INPP5D: variants seen among roughly 807,000 people sequenced by gnomAD.
INPP5D encodes inositol polyphosphate-5-phosphatase D.
INPP5D carries 33 observed loss-of-function variants against 122.9 expected under a neutral mutation model. That is an observed-to-expected ratio of 0.27 (90% confidence interval 0.20 to 0.36). INPP5D has a LOEUF of 0.36. INPP5D is among the 10% of genes least tolerant of loss of function. The pLI, the probability that INPP5D is intolerant of heterozygous loss-of-function variation, is 1.00. For synonymous variants in INPP5D, 584 were observed against 576.2 expected (o/e 1.01, Z -0.19); for missense variants, 1,053 against 1,412.7 (o/e 0.75, Z 4.08).
rs552234742 is a variant in INPP5D, at chr2:233,170,731, G to A, written c.1900+127G>A. 6.2e-5 allele frequency: 81 copies of A among 1,313,080 alleles called. 1 individual carries two copies. Among genetic ancestry groups the A allele is most frequent in the South Asian group, 5.8e-4 (40 of 68,834 alleles). 81.3% of individuals were successfully genotyped at this position (1,313,080 alleles called of 1,614,324 possible). ...ATCCTGGCTAACACAGTGAAACCCCGTCTCTACTTAAAAAAATACAAAAAA... is the reference window on the plus strand; with the variant it reads ...ATCCTGGCTAACACAGTGAAACCCCATCTCTACTTAAAAAAATACAAAAAA... On this transcript the variant is annotated intron_variant, in intron 16 of 26. Transcript: ENST00000445964. This position sits in a 1 kb window ranked among gnomAD's most constrained non-coding sequence, Gnocchi z 4.5.
intron 1 of INPP5D, among the ~76,000 whole-genome samples, chr2:233,065,677 C>T (rs145748379): frequency 0.024 from 3,079 of 126,244 alleles, 176 homozygotes; most frequent in African/African-American, 0.079. Context: ...GACAGAGTCT[C>T]GCTCTGTCGC....
intron 5 of INPP5D, among the ~76,000 whole-genome samples, chr2:233,131,911 G>A (rs919394230): frequency 3.3e-5 from 5 of 152,136 alleles, no homozygotes; most frequent in East Asian, 1.9e-4. Context: ...AATCAAATTC[G>A]ACTTTCCTTT....
At chr2:233,107,278 C>T (rs1387193035) in intron 2 of INPP5D, among the ~76,000 whole-genome samples, 2 of 152,124 alleles carry the variant, frequency 1.3e-5, no homozygotes, top group Non-Finnish European at 2.9e-5. Context: ...GTGTAAATTA[C>T]ACCTCCAAGT....
intron 2 of INPP5D, among the ~76,000 whole-genome samples, chr2:233,107,029 A>G (rs112964319): frequency 0.017 from 2,616 of 152,316 alleles, 31 homozygotes; most frequent in Non-Finnish European, 0.028. Context: ...CCTGACTCCC[A>G]TGGCACAGAT....
At chr2:233,119,749 T>C (rs922993779) in intron 2 of INPP5D, among the ~76,000 whole-genome samples, 2 of 152,098 alleles carry the variant, frequency 1.3e-5, no homozygotes, top group Admixed American at 6.6e-5. Flanking sequence ...GAAAGAGGCG[T>C]ATGTGTCCTC....
chr2:233,084,369 T>C (rs1324677991), intron 2 of INPP5D, among the ~76,000 whole-genome samples: 1 of 152,204 alleles, frequency 6.6e-6, no homozygotes, highest in African/African-American at 2.4e-5. Context: ...TCCCAGGTTT[T>C]CATGCAAGTT....
intron 2 of INPP5D, among the ~76,000 whole-genome samples, chr2:233,083,787 G>C (rs1395700643): frequency 6.6e-6 from 1 of 152,178 alleles, no homozygotes; most frequent in Non-Finnish European, 1.5e-5. Flanking sequence ...AGTGGCCTCA[G>C]ACGTGTCGCA....
intron 6 of INPP5D, among the ~76,000 whole-genome samples, chr2:233,144,831 G>T (rs1401247992): frequency 1.3e-5 from 2 of 152,014 alleles, no homozygotes; most frequent in Non-Finnish European, 2.9e-5. Context: ...TGTTGAAGGG[G>T]ATCCTATTGA....
chr2:233,175,002 G>A lies in INPP5D; in HGVS notation c.1990-2263G>A, dbSNP rs190975525. On this transcript the variant is annotated intron_variant, in intron 17 of 26. Transcript: ENST00000445964. The stretch of plus-strand genomic sequence containing the variant: ...AGAGCTTTGGGAGGCCAAAGCAGGT[G>A]AATCACCTGAAGTCAGGAGTTCCAG... 5.9e-4 allele frequency among the ~76,000 whole-genome samples: 89 copies of A among 151,900 alleles called. 2 individuals carry two copies. Among genetic ancestry groups the A allele is most frequent in the African/African-American group, 2.0e-3 (83 of 41,448 alleles).
At chr2:233,081,342 T>C (rs1054997010) in intron 2 of INPP5D, among the ~76,000 whole-genome samples, 2 of 152,212 alleles carry the variant, frequency 1.3e-5, no homozygotes, top group African/African-American at 4.8e-5. Context: ...TGATAGGTGG[T>C]TTGCTGAGAG....
chr2:233,204,190 C>A lies in INPP5D; in HGVS notation c.3040C>A (p.Pro1014Thr). The change falls in exon 26 of 27, where the codon CCC becomes ACC. Residue 1014 changes from proline to threonine, a missense_variant. By Grantham distance (38) the Pro-to-Thr change is conservative. Around this residue, in one of 6 missense-constraint regions of INPP5D, gnomAD observed 417 missense variants for 425.8 expected, o/e 0.98. Coordinates refer to ENST00000445964, the MANE Select transcript of INPP5D (RefSeq NM_001017915.3). ...LPQEDLPLTKPEMFENPLYGS... is the reference protein window; with the variant it reads ...LPQEDLPLTKTEMFENPLYGS... ...TCAGGAGGACCTGCCGCTGACGAAG[C>A]CCGAGATGTTTGAGAACCCCCTGTA... 6.2e-7 allele frequency: 1 copy of A among 1,610,940 alleles called. No homozygotes were observed. The highest frequency in any genetic ancestry group is 8.5e-7 in the Non-Finnish European group (1 of 1,178,774).
chr2:233,110,172 C>T (rs1391061619), intron 2 of INPP5D, among the ~76,000 whole-genome samples: 1 of 151,832 alleles, frequency 6.6e-6, no homozygotes, highest in Non-Finnish European at 1.5e-5. Flanking sequence ...ATGCCTCAGC[C>T]TCCTGAGTAG....
At chr2:233,200,605 T>G (rs1695305844) in intron 25 of INPP5D, among the ~76,000 whole-genome samples, 2 of 152,222 alleles carry the variant, frequency 1.3e-5, no homozygotes, top group Non-Finnish European at 2.9e-5. Context: ...TGGCAGGGTC[T>G]TCCTCTGGAT....
chr2:233,206,030 G>C lies in INPP5D; in HGVS notation c.3568-676G>C, dbSNP rs913478120. On this transcript the variant is annotated intron_variant, in intron 26 of 26. Coordinates refer to ENST00000445964, the MANE Select transcript of INPP5D (RefSeq NM_001017915.3). This position sits in a 1 kb window ranked among gnomAD's most constrained non-coding sequence, Gnocchi z 4.0. Reference sequence around the variant, plus strand: ...GGAGGCGGAGGTTGCAGTGAACCGAGATCGCAACACTGCACTCCAGCCTGG... The same window carrying C: ...GGAGGCGGAGGTTGCAGTGAACCGACATCGCAACACTGCACTCCAGCCTGG... Among the ~76,000 whole-genome samples the C allele has an allele frequency of 6.6e-6, 1 of 152,140 alleles. No individual in the cohort carries two copies. Among genetic ancestry groups the C allele is most frequent in the African/African-American group, 2.4e-5 (1 of 41,442 alleles).
At chr2:233,063,517 G>T (rs1310950477) in intron 1 of INPP5D, among the ~76,000 whole-genome samples, 1 of 152,228 alleles carries the variant, frequency 6.6e-6, no homozygotes, top group Non-Finnish European at 1.5e-5. Context: ...ACTTGAGCGG[G>T]GGTTGGACAT....
At chr2:233,131,462 C>T (rs1039409636) in intron 5 of INPP5D, among the ~76,000 whole-genome samples, 2 of 151,516 alleles carry the variant, frequency 1.3e-5, no homozygotes, top group South Asian at 2.1e-4. Flanking sequence ...TTTGGGAGGC[C>T]GAGGCAGGTG....
intron 9 of INPP5D, among the ~76,000 whole-genome samples, chr2:233,157,637 G>A (rs1278508725): frequency 1.4e-5 from 2 of 138,400 alleles, no homozygotes; most frequent in Non-Finnish European, 1.6e-5. Flanking sequence ...GTCAAGTTGG[G>A]GGAGCAGGTT....
chr2:233,204,796 A>G lies in INPP5D; in HGVS notation c.3567+79A>G, dbSNP rs776551620. 8 of 1,241,026 alleles carry G rather than the reference A, an allele frequency of 6.4e-6. No homozygotes were observed. The South Asian group carries it at 1.1e-4, about 17-fold the overall frequency. 76.9% of individuals were successfully genotyped at this position (1,241,026 alleles called of 1,614,324 possible). A position where few individuals can be genotyped will look rare whatever the true frequency, so the allele number is the denominator to read the frequency against. ...AGTGCGTATGTGTGTACCTATGCAT[A>G]TGTGTGTGCATGTGTGTGTGCACGC... On this transcript the variant is annotated intron_variant, in intron 26 of 26. Coordinates refer to ENST00000445964, the MANE Select transcript of INPP5D (RefSeq NM_001017915.3).
At chr2:233,095,258 T>C (rs916388924) in intron 2 of INPP5D, among the ~76,000 whole-genome samples, 60 of 152,212 alleles carry the variant, frequency 3.9e-4, no homozygotes, top group African/African-American at 1.4e-3. Context: ...TGCACATACA[T>C]AAGAGTGTTG....
Sources: allele counts gnomAD v4.1 joint callset (sites outside exome capture counted in the v4.1 genomes callset), GRCh38; gene constraint gnomAD v4.1.1; regional missense constraint gnomAD v4.1.1; non-coding constraint Gnocchi (gnomAD v3.1); transcripts MANE v1.5; gene names NCBI Gene and HGNC (gene_info 2026-07-23, HGNC 2026-07-21).